The following WDR12 variants were observed in gnomAD, a reference collection of about 807,000 sequenced individuals.
WDR12 encodes ribosome biogenesis protein WDR12.
In WDR12, 42 loss-of-function variants were observed where a neutral mutation model predicts 64.3. That is an observed-to-expected ratio of 0.65 (90% CI 0.51 to 0.84). WDR12 has a LOEUF of 0.84. WDR12 is among the 40% of genes least tolerant of loss of function. The pLI, the probability that WDR12 is intolerant of heterozygous loss-of-function variation, is 0.00. For synonymous variants in WDR12, 158 were observed against 173.3 expected (o/e 0.91, Z 0.70); for missense variants, 469 against 494.6 (o/e 0.95, Z 0.49).
At chr2:202,903,814 T>C (rs1047124217) in intron 2 of WDR12, among the ~76,000 whole-genome samples, 16 of 151,962 alleles carry the variant, frequency 1.1e-4, no homozygotes, top group Non-Finnish European at 5.9e-5. Context: ...GAAAGATCTC[T>C]ACAACAAAAA....
At position 202,877,821 on chromosome 2, in the gene WDR12, G is replaced by T. The variant is rs969664583; in HGVS notation, c.*3039C>A. On this transcript the variant is annotated 3_prime_UTR_variant, in exon 13 of 13. Transcript: ENST00000261015. ...GCTTTTCCCCAACCACGGGAAAGCA[G>T]CACCACTCATTTATCCAAGTGATTC... 1.3e-5 allele frequency: 2 copies of T among 152,256 alleles called. No individual in the cohort carries two copies. Among genetic ancestry groups the T allele is most frequent in the Non-Finnish European group, 2.9e-5 (2 of 68,074 alleles). The allele number at this position is 152,256 out of a possible 1,614,324, so 9.4% of individuals were successfully genotyped here. A position where few individuals can be genotyped will look rare whatever the true frequency, so the allele number is the denominator to read the frequency against.
intron 12 of WDR12, among the ~76,000 whole-genome samples, chr2:202,881,201 T>C (rs1687942985): frequency 6.6e-6 from 1 of 152,182 alleles, no homozygotes; most frequent in African/African-American, 2.4e-5. Flanking sequence ...TCTGCCAAGA[T>C]ACATAAGTTT....
Position 202,882,754 on chromosome 2 carries a change from G to A in WDR12, c.1151C>T (p.Ala384Val), listed in dbSNP as rs1316903088. Residue 384 changes from alanine to valine, a missense_variant, in exon 12 of 13, where the codon GCT becomes GTT. Ala to Val is a moderately conservative substitution (Grantham distance 64, BLOSUM62 0). Coordinates refer to ENST00000261015, the MANE Select transcript of WDR12 (RefSeq NM_018256.4). ...TACACTCAGAACTTTGTCTTCATGAGCAGCCAGATCATAGAGAGGAGCCTT... is the reference window on the plus strand; with the variant it reads ...TACACTCAGAACTTTGTCTTCATGAACAGCCAGATCATAGAGAGGAGCCTT... ...SCKAPLYDLA[A>V]HEDKVLSVDW... 2 of 1,613,918 alleles carry A rather than the reference G, an allele frequency of 1.2e-6. No individual in the cohort carries two copies. Among genetic ancestry groups the A allele is most frequent in the Non-Finnish European group, 1.7e-6 (2 of 1,179,946 alleles).
intron 3 of WDR12, 45 bp downstream of exon 3, chr2:202,900,980 G>C: frequency 6.7e-7 from 1 of 1,492,376 alleles, no homozygotes. Context: ...TACAATAGCC[G>C]ATAATGCCTC....
At chr2:202,902,845 T>G (rs1450337654) in intron 2 of WDR12, among the ~76,000 whole-genome samples, 1 of 152,170 alleles carries the variant, frequency 6.6e-6, no homozygotes, top group Non-Finnish European at 1.5e-5. Flanking sequence ...ACACCTGTAA[T>G]CCCAGTACTT....
chr2:202,897,553 A>G, intron 4 of WDR12, 138 bp from the exon 5 acceptor site: 1 of 431,604 alleles, frequency 2.3e-6, no homozygotes, highest in East Asian at 3.7e-5. Flanking sequence ...ATTTCAAGCC[A>G]TACTAGATCA....
intron 2 of WDR12, among the ~76,000 whole-genome samples, chr2:202,901,980 A>G (rs1216929158): frequency 2.0e-5 from 3 of 152,194 alleles, no homozygotes; most frequent in Non-Finnish European, 4.4e-5. Context: ...GGCTTGGATT[A>G]TATCAGTCTG....
In WDR12 at chr2:202,881,053, C is replaced by G. The variant is rs890895334; in HGVS notation, c.1195-116G>C. Reference sequence around the variant, plus strand: ...CATTACAAAAGGAATTATGGGTGAGCAGTTAACTTGCATTGAGAGTGAGTA... The same window carrying G: ...CATTACAAAAGGAATTATGGGTGAGGAGTTAACTTGCATTGAGAGTGAGTA... On this transcript the variant is annotated intron_variant, in intron 12 of 12. Coordinates refer to ENST00000261015, the MANE Select transcript of WDR12 (RefSeq NM_018256.4). 42 of 870,758 alleles carry G rather than the reference C, an allele frequency of 4.8e-5. No homozygotes were observed. The African/African-American group carries it at 6.5e-4, about 14-fold the overall frequency. 53.9% of individuals were successfully genotyped at this position (870,758 alleles called of 1,614,324 possible). A position where few individuals can be genotyped will look rare whatever the true frequency, so the allele number is the denominator to read the frequency against.
chr2:202,875,764 G>A lies in WDR12; in HGVS notation c.*5096C>T, dbSNP rs1687847888. The A allele has an allele frequency of 6.6e-6, 1 of 152,128 alleles. No individual in the cohort carries two copies. The highest frequency in any genetic ancestry group is 6.5e-5 in the Admixed American group (1 of 15,274). 9.4% of individuals were successfully genotyped at this position (152,128 alleles called of 1,614,324 possible). On this transcript the variant is annotated 3_prime_UTR_variant, in exon 13 of 13. Transcript: ENST00000261015. ...CCATTTATAAAAACATCATTCTTGTGCACGACATAAGATTGACAAAATATA... is the reference window on the plus strand; with the variant it reads ...CCATTTATAAAAACATCATTCTTGTACACGACATAAGATTGACAAAATATA...
Position 202,878,914 on chromosome 2 carries a change from AATG to A in WDR12, c.*1943_*1945del, listed in dbSNP as rs1387153946. ...TAACACATGCATAAAGATAAATGCT[AATG>A]ATATCATAAAATCTGTAGAATGTTT... On this transcript the variant is annotated 3_prime_UTR_variant, in exon 13 of 13. Transcript: ENST00000261015. 1 of 152,248 alleles carries A rather than the reference AATG, an allele frequency of 6.6e-6. No individual in the cohort carries two copies. The highest frequency in any genetic ancestry group is 1.5e-5 in the Non-Finnish European group (1 of 68,042). 9.4% of individuals were successfully genotyped at this position (152,248 alleles called of 1,614,324 possible). A position where few individuals can be genotyped will look rare whatever the true frequency, so the allele number is the denominator to read the frequency against.
At chr2:202,888,780 G>GT (rs1559159639) in intron 8 of WDR12, among the ~76,000 whole-genome samples, 1 of 152,096 alleles carries the variant, frequency 6.6e-6, no homozygotes, top group Non-Finnish European at 1.5e-5. Context: ...TGGTGCAATC[G>GT]TAACTCACAG....
At position 202,880,495 on chromosome 2, in the gene WDR12, T is replaced by G. The variant is rs1033350080; in HGVS notation, c.*365A>C. ...CCTAGGAAGCGGAGGTTGCAGTGAG[T>G]TGAGATTGCGCCACTGCACTCCAGC... On this transcript the variant is annotated 3_prime_UTR_variant, in exon 13 of 13. Coordinates refer to ENST00000261015, the MANE Select transcript of WDR12 (RefSeq NM_018256.4). The G allele has an allele frequency of 6.5e-5, 10 of 152,808 alleles. No homozygotes were observed. Among genetic ancestry groups the G allele is most frequent in the African/African-American group, 2.2e-4 (9 of 40,796 alleles). The allele number at this position is 152,808 out of a possible 1,614,324, so 9.5% of individuals were successfully genotyped here.
chr2:202,905,282 T>C (rs1206608742), intron 2 of WDR12, among the ~76,000 whole-genome samples: 1 of 152,060 alleles, frequency 6.6e-6, no homozygotes, highest in African/African-American at 2.4e-5. Context: ...AGTAGCTGGG[T>C]TTACAGGCAC....
intron 8 of WDR12, among the ~76,000 whole-genome samples, chr2:202,886,233 G>GA (rs1247538960): frequency 1.4e-5 from 2 of 145,378 alleles, no homozygotes; most frequent in Non-Finnish European, 3.0e-5. Flanking sequence ...GAGGTGGGTG[G>GA]ATCACTTGAG....
Position 202,878,486 on chromosome 2 carries a change from C to G in WDR12, c.*2374G>C, listed in dbSNP as rs1233426132. ...TGAATTTTCTGGCCACCTTTATTCA[C>G]TATTTGGCATTAAAATATACTTTAA... On this transcript the variant is annotated 3_prime_UTR_variant, in exon 13 of 13. Transcript: ENST00000261015. 6.6e-6 allele frequency: 1 copy of G among 152,198 alleles called. No individual in the cohort carries two copies. Among genetic ancestry groups the G allele is most frequent in the Non-Finnish European group, 1.5e-5 (1 of 68,038 alleles). The allele number at this position is 152,198 out of a possible 1,614,324, so 9.4% of individuals were successfully genotyped here. A position where few individuals can be genotyped will look rare whatever the true frequency, so the allele number is the denominator to read the frequency against.
In WDR12 at chr2:202,876,529, C is replaced by A. The variant is rs1687861962; in HGVS notation, c.*4331G>T. On this transcript the variant is annotated 3_prime_UTR_variant, in exon 13 of 13. Transcript: ENST00000261015. ...TTCACTTGCCTAATGAAATCTGATT[C>A]TAATTAGTGGCTTTTTAAATAAAAA... 1.3e-5 allele frequency: 2 copies of A among 152,108 alleles called. No individual in the cohort carries two copies. The highest frequency in any genetic ancestry group is 4.1e-4 in the South Asian group (2 of 4,834). The allele number at this position is 152,108 out of a possible 1,614,324, so 9.4% of individuals were successfully genotyped here.
chr2:202,893,074 A>G (rs772124391), intron 7 of WDR12, among the ~76,000 whole-genome samples: 3 of 152,104 alleles, frequency 2.0e-5, no homozygotes, highest in Admixed American at 1.3e-4. Flanking sequence ...GGATAAAGTA[A>G]ACACATGATA....
chr2:202,900,975 TAGCCGATAATGCCTCAAGTGAAATACAGA>T, intron 3 of WDR12, 21 bp downstream of exon 3: 1 of 1,476,346 alleles, frequency 6.8e-7, no homozygotes, highest in Non-Finnish European at 9.3e-7. Flanking sequence ...TTACCTACAA[TAGCCGATAATGCCTCAAGTGAAATACAGA>T]AGATAAGAAT....
At chr2:202,903,027 C>T (rs997999265) in intron 2 of WDR12, among the ~76,000 whole-genome samples, 7 of 151,762 alleles carry the variant, frequency 4.6e-5, no homozygotes, top group Non-Finnish European at 1.0e-4. Context: ...TGCAGTGAGC[C>T]GAGATCGTGC....
Sources: allele counts gnomAD v4.1 joint callset (sites outside exome capture counted in the v4.1 genomes callset), GRCh38; gene constraint gnomAD v4.1.1; transcripts MANE v1.5; gene names NCBI Gene and HGNC (gene_info 2026-07-23, HGNC 2026-07-21).